The following WDR27 variants were observed in gnomAD, a reference collection of about 807,000 sequenced individuals.
WDR27 encodes the protein WD repeat-containing protein 27.
A neutral mutation model predicts 114.4 loss-of-function variants in WDR27; 100 were observed. The observed-to-expected ratio is 0.87, with a 90% confidence interval of 0.74 to 1.03. The LOEUF (loss-of-function observed/expected upper bound fraction) is 1.03. Ranked by LOEUF, WDR27 falls within the 50% of genes least tolerant of loss-of-function variation. WDR27 has a pLI of 0.00. For synonymous variants in WDR27, 449 were observed against 423.1 expected, an observed-to-expected ratio of 1.06 and a Z score of -0.75; for missense variants, 1,129 against 1,092.9, an observed-to-expected ratio of 1.03 and a Z score of -0.47.
chr6:169,692,881 TGGGAACCCTAA>T (rs1468634953), intron 1 of WDR27, among the ~76,000 whole-genome samples: 4 of 152,114 alleles, frequency 2.6e-5, no homozygotes, highest in Non-Finnish European at 5.9e-5. Flanking sequence ...CATAAACTCT[TGGGAACCCTAA>T]GGCCCTGCTC....
chr6:169,599,974 T>A (rs1366437755), intron 23 of WDR27, among the ~76,000 whole-genome samples: 3 of 152,176 alleles, frequency 2.0e-5, no homozygotes, highest in Non-Finnish European at 4.4e-5. Context: ...TTTGTTCTCG[T>A]TGGTTTCAAA....
chr6:169,637,710 C>T (rs576188249), intron 18 of WDR27, among the ~76,000 whole-genome samples: 7 of 150,348 alleles, frequency 4.7e-5, no homozygotes, highest in African/African-American at 4.9e-5. Context: ...CATCCATATG[C>T]GTGTGTGCCT....
the WDR27 span, among the ~76,000 whole-genome samples, chr6:169,436,949 G>A: frequency 6.6e-5 from 10 of 151,800 alleles, no homozygotes; most frequent in African/African-American, 2.4e-4. Context: ...TTCTTCCTGG[G>A]TATTTACTAA....
chr6:169,509,267 T>G (rs1792428617), intron 25 of WDR27, among the ~76,000 whole-genome samples: 2 of 152,100 alleles, frequency 1.3e-5, no homozygotes, highest in Non-Finnish European at 2.9e-5. Flanking sequence ...TTCACAGAAT[T>G]GGAAAAAACT....
rs186465873 is a variant in WDR27, at chr6:169,569,465, C to T, written c.2645+2954G>A. On this transcript the variant is annotated intron_variant, in intron 25 of 25. Transcript: ENST00000448612. Reference sequence around the variant, plus strand: ...ATTGTTAAGCTTCATTTTAAATGTACTATATAAGATTTTCTTGAATACTTA... The same window carrying T: ...ATTGTTAAGCTTCATTTTAAATGTATTATATAAGATTTTCTTGAATACTTA... 2.2e-3 allele frequency among the ~76,000 whole-genome samples: 328 copies of T among 152,180 alleles called. 1 individual carries two copies. Among genetic ancestry groups the T allele is most frequent in the African/African-American group, 7.7e-3 (318 of 41,500 alleles).
intron 25 of WDR27, among the ~76,000 whole-genome samples, chr6:169,487,496 C>T (rs185797604): frequency 1.3e-5 from 2 of 152,242 alleles, no homozygotes; most frequent in African/African-American, 4.8e-5. Context: ...CCTCGCTGCT[C>T]CCTGGATTAC....
intron 25 of WDR27, among the ~76,000 whole-genome samples, chr6:169,562,122 C>G (rs1562586742): frequency 1.3e-5 from 2 of 152,152 alleles, no homozygotes. Flanking sequence ...TTCAGTGCCG[C>G]TGTCAATCCT....
At chr6:169,569,361 T>C (rs113675066) in intron 25 of WDR27, among the ~76,000 whole-genome samples, 85 of 152,376 alleles carry the variant, frequency 5.6e-4, no homozygotes, top group African/African-American at 1.9e-3. Flanking sequence ...CTTTGATTCA[T>C]GTTCAGTTAA....
rs372145582 is a variant in WDR27 at position 169,672,272 on chromosome 6, C to T, written c.314G>A (p.Arg105Lys). 1.5e-4 allele frequency: 240 copies of T among 1,612,628 alleles called. No individual in the cohort carries two copies. The highest frequency in any genetic ancestry group is 1.9e-4 in the Non-Finnish European group (230 of 1,179,538). The change falls in exon 3 of 26, where the codon AGA (arginine) becomes AAA (lysine). Residue 105 changes from arginine to lysine, a missense_variant. By Grantham distance (26) the Arg-to-Lys change is conservative. Coordinates refer to ENST00000448612, the MANE Select transcript of WDR27 (RefSeq NM_182552.5). ...YVIMWNLDEC[R>K]EKVLQGLVPR... ...TCATTTACCTTGAAGTACTTTCTCT[C>T]TACATTCATCCAGGTTCCACATTAT...
the WDR27 span, among the ~76,000 whole-genome samples, chr6:169,449,490 C>T: frequency 2.6e-5 from 4 of 152,084 alleles, no homozygotes; most frequent in Non-Finnish European, 2.9e-5. Flanking sequence ...GGGAACACGT[C>T]GACCCTAGGC....
intron 25 of WDR27, among the ~76,000 whole-genome samples, chr6:169,505,724 C>G (rs1297060070): frequency 6.6e-6 from 1 of 152,228 alleles, no homozygotes; most frequent in Non-Finnish European, 1.5e-5. Flanking sequence ...GCTGGCAGAT[C>G]CAGTTCCCTT....
intron 17 of WDR27, among the ~76,000 whole-genome samples, chr6:169,641,591 G>A (rs1040526471): frequency 3.3e-5 from 5 of 152,210 alleles, no homozygotes; most frequent in African/African-American, 7.2e-5. Context: ...TCAAGGGTGT[G>A]GGGACATAAG....
chr6:169,699,048 C>T (rs1787082193), intron 1 of WDR27, among the ~76,000 whole-genome samples: 1 of 152,174 alleles, frequency 6.6e-6, no homozygotes, highest in Non-Finnish European at 1.5e-5. Context: ...TAGGCAGTGA[C>T]AAACAGGTTC....
chr6:169,491,664 C>T (rs924898502), intron 25 of WDR27, among the ~76,000 whole-genome samples: 1 of 152,082 alleles, frequency 6.6e-6, no homozygotes, highest in Non-Finnish European at 1.5e-5. Flanking sequence ...TCACATTCCA[C>T]GAAAGACCAG....
chr6:169,506,317 T>C (rs1181313611), intron 25 of WDR27, among the ~76,000 whole-genome samples: 2 of 152,214 alleles, frequency 1.3e-5, no homozygotes, highest in African/African-American at 4.8e-5. Context: ...TACTCTGTCT[T>C]ACCTAACAAA....
intron 21 of WDR27, among the ~76,000 whole-genome samples, chr6:169,615,989 G>T (rs111520411): frequency 0.056 from 8,254 of 148,670 alleles, 678 homozygotes; most frequent in African/African-American, 0.18. Flanking sequence ...AAGCTGAGGC[G>T]CAAACAGCAC....
At chr6:169,622,875 T>C (rs565340928) in intron 21 of WDR27, among the ~76,000 whole-genome samples, 1 of 152,282 alleles carries the variant, frequency 6.6e-6, no homozygotes, top group East Asian at 1.9e-4. Flanking sequence ...CCAAACTAAC[T>C]TGGGGAGGAA....
At chr6:169,430,671 G>A in the WDR27 span, among the ~76,000 whole-genome samples, 1 of 152,216 alleles carries the variant, frequency 6.6e-6, no homozygotes, top group Non-Finnish European at 1.5e-5. Context: ...CCACTTGTCA[G>A]GGCAGATCCC....
chr6:169,569,156 G>A (rs780199688), intron 25 of WDR27, among the ~76,000 whole-genome samples: 1 of 152,222 alleles, frequency 6.6e-6, no homozygotes, highest in Non-Finnish European at 1.5e-5. Context: ...ACTGCAGCAT[G>A]AGTTTCTGAT....
Sources: gnomAD v4.1 joint callset for allele counts (sites outside exome capture counted in the v4.1 genomes callset) on GRCh38, gnomAD v4.1.1 for gene constraint, MANE v1.5 for transcripts, NCBI Gene and HGNC (gene_info 2026-07-23, HGNC 2026-07-21) for gene names.